SLC16A1: variants seen among roughly 807,000 people sequenced by gnomAD.
SLC16A1 encodes the protein solute carrier family 16 member 1.
Under a neutral mutation model 32.2 loss-of-function variants are expected in SLC16A1, and 11 were observed. That is an observed-to-expected ratio of 0.34 (90% CI 0.21 to 0.56). The LOEUF (loss-of-function observed/expected upper bound fraction) is 0.56. SLC16A1 is among the 20% of genes least tolerant of loss of function. SLC16A1 has a pLI of 0.87. For synonymous variants in SLC16A1, 231 were observed against 226.8 expected, an observed-to-expected ratio of 1.02 and a Z score of -0.17; for missense variants, 435 against 615.0, an observed-to-expected ratio of 0.71 and a Z score of 3.10.
At chr1:112,925,617 GA>G (rs1251808201) in intron 2 of SLC16A1, among the ~76,000 whole-genome samples, 1 of 151,822 alleles carries the variant, frequency 6.6e-6, no homozygotes, top group Non-Finnish European at 1.5e-5. Flanking sequence ...GGACTCAAGT[GA>G]TCCACCTACC....
chr1:112,953,153 C>CTTTTTTT (rs55766100), intron 1 of SLC16A1, among the ~76,000 whole-genome samples: 3 of 130,194 alleles, frequency 2.3e-5, no homozygotes, highest in Non-Finnish European at 4.8e-5. Flanking sequence ...ACTGAAAATC[C>CTTTTTTT]TTTTTTTTTT....
chr1:112,953,732 G>GA (rs1557858691), intron 1 of SLC16A1, among the ~76,000 whole-genome samples: 1 of 152,056 alleles, frequency 6.6e-6, no homozygotes, highest in African/African-American at 2.4e-5. Context: ...TTCATGTCTG[G>GA]AATGTTCTTT....
chr1:112,926,730 C>T (rs984601823), intron 2 of SLC16A1, among the ~76,000 whole-genome samples: 23 of 151,700 alleles, frequency 1.5e-4, no homozygotes, highest in South Asian at 2.1e-4. Flanking sequence ...AAAAATTAGC[C>T]GAGTGTGGTG....
Position 112,913,954 on chromosome 1 carries a change from T to C in SLC16A1, c.1440A>G (p.Ala480=). Residue 480 remains alanine, a synonymous_variant, in exon 5 of 5, where the codon GCA becomes GCG. Transcript: ENST00000369626. Reference sequence around the variant, plus strand: ...TGTCTTTCTGGTCCGGAGATTCTGCTGCTTTGGTAACTTCATTTGGCTTCC... The same window carrying C: ...TGTCTTTCTGGTCCGGAGATTCTGCCGCTTTGGTAACTTCATTTGGCTTCC... ...VAGKPNEVTK[A]AESPDQKDTD... The C allele has an allele frequency of 6.2e-7, 1 of 1,614,206 alleles. No individual in the cohort carries two copies. Among genetic ancestry groups the C allele is most frequent in the Non-Finnish European group, 8.5e-7 (1 of 1,180,030 alleles).
At chr1:112,921,140 CAAAA>C (rs11352959) in intron 3 of SLC16A1, among the ~76,000 whole-genome samples, 4 of 88,500 alleles carry the variant, frequency 4.5e-5, no homozygotes, top group African/African-American at 3.8e-5. Flanking sequence ...GACTCCGTCT[CAAAA>C]AAAAAAAAAA....
At chr1:112,946,341 G>A (rs1000276960) in intron 1 of SLC16A1, among the ~76,000 whole-genome samples, 1 of 152,006 alleles carries the variant, frequency 6.6e-6, no homozygotes, top group Non-Finnish European at 1.5e-5. Flanking sequence ...GGAGGCCAAG[G>A]CAGGCGGATC....
intron 1 of SLC16A1, among the ~76,000 whole-genome samples, chr1:112,934,152 A>T (rs1649224589): frequency 6.6e-6 from 1 of 152,264 alleles, no homozygotes; most frequent in South Asian, 2.1e-4. Context: ...ATTCTAGCAC[A>T]GGTCAAGCAT....
At position 112,929,210 on chromosome 1, in the gene SLC16A1, A is replaced by G. The variant is rs779952019; in HGVS notation, c.99T>C (p.Ser33=). 8 of 1,614,016 alleles carry G rather than the reference A, an allele frequency of 5.0e-6. No homozygotes were observed. The highest frequency in any genetic ancestry group is 8.5e-7 in the Non-Finnish European group (1 of 1,180,038). Residue 33 remains serine (S), a synonymous_variant, in exon 2 of 5, where the codon TCT becomes TCC. Coordinates refer to ENST00000369626, the MANE Select transcript of SLC16A1 (RefSeq NM_003051.4). ...VIGAFISIGF[S]YAFPKSITVF... is the part of the protein sequence containing the mutation. ...CAGTAATTGATTTGGGAAATGCATA[A>G]GAGAAGCCGATGGAAATGAAAGCTC...
At chr1:112,924,304 GGCAATTGGTT>G (rs567233349) in intron 2 of SLC16A1, 384 of 1,406,490 alleles carry the variant, frequency 2.7e-4, no homozygotes, top group Non-Finnish European at 3.7e-4. Context: ...AATCAAGCCT[GGCAATTGGTT>G]GCTCACGAAT....
At position 112,923,542 on chromosome 1, in the gene SLC16A1, C is replaced by T. The variant is rs1181623039; in HGVS notation, c.218-1409G>A. The T allele has an allele frequency of 6.8e-6, 8 of 1,180,144 alleles. No individual in the cohort carries two copies. In the Admixed American group the frequency reaches 8.4e-5, roughly 12 times the overall value. 73.1% of individuals were successfully genotyped at this position (1,180,144 alleles called of 1,614,324 possible). Reference sequence around the variant, plus strand: ...GCCTTCGTGTACAGCGACAGCCAGTCCAAGACCATCCTGGGTGGCCTGAAA... The same window carrying T: ...GCCTTCGTGTACAGCGACAGCCAGTTCAAGACCATCCTGGGTGGCCTGAAA... On this transcript the variant is annotated intron_variant, in intron 2 of 4. Transcript: ENST00000369626.
At chr1:112,928,443 T>C (rs866732578) in intron 2 of SLC16A1, among the ~76,000 whole-genome samples, 12 of 152,350 alleles carry the variant, frequency 7.9e-5, no homozygotes, top group African/African-American at 2.9e-4. Flanking sequence ...AAGTTATTTA[T>C]AGTTGAAACC....
intron 4 of SLC16A1, among the ~76,000 whole-genome samples, chr1:112,916,771 G>A (rs185411747): frequency 3.6e-4 from 55 of 151,374 alleles, no homozygotes; most frequent in African/African-American, 1.3e-3. Context: ...CTCTATTAAA[G>A]ATATAAAAAT....
chr1:112,914,175 T>C lies in SLC16A1; in HGVS notation c.1229-10A>G. 1.2e-6 allele frequency: 2 copies of C among 1,614,134 alleles called. No individual in the cohort carries two copies. The highest frequency in any genetic ancestry group is 1.7e-6 in the Non-Finnish European group (2 of 1,179,984). On this transcript the variant is annotated splice_polypyrimidine_tract_variant and intron_variant, in intron 4 of 4. Transcript: ENST00000369626. Reference sequence around the variant, plus strand: ...ATGTCATTGAGCCGACCTAAATATGTAAAACAACACAAACAGTTGTTTCTA... The same window carrying C: ...ATGTCATTGAGCCGACCTAAATATGCAAAACAACACAAACAGTTGTTTCTA...
chr1:112,920,195 G>A (rs764901145), intron 3 of SLC16A1, among the ~76,000 whole-genome samples: 5 of 152,194 alleles, frequency 3.3e-5, no homozygotes, highest in Non-Finnish European at 7.3e-5. Context: ...AAATGTAGCT[G>A]GGCGTGGTCG....
At chr1:112,944,766 C>A (rs753010714) in intron 1 of SLC16A1, among the ~76,000 whole-genome samples, 3 of 152,112 alleles carry the variant, frequency 2.0e-5, no homozygotes, top group East Asian at 1.9e-4. Flanking sequence ...AGTCTTGGCT[C>A]ACTGCAACCC....
intron 1 of SLC16A1, among the ~76,000 whole-genome samples, chr1:112,953,606 A>C (rs1294060993): frequency 6.6e-6 from 1 of 152,004 alleles, no homozygotes; most frequent in Non-Finnish European, 1.5e-5. Context: ...ATTTTCTCAT[A>C]CTGTCTATCT....
At chr1:112,939,703 C>G (rs1649438686) in intron 1 of SLC16A1, among the ~76,000 whole-genome samples, 1 of 152,058 alleles carries the variant, frequency 6.6e-6, no homozygotes, top group African/African-American at 2.4e-5. Context: ...AGGGGTTTCA[C>G]CATGTTGGCC....
At chr1:112,950,661 TG>T (rs1483601321) in intron 1 of SLC16A1, among the ~76,000 whole-genome samples, 1 of 152,216 alleles carries the variant, frequency 6.6e-6, no homozygotes, top group East Asian at 1.9e-4. Flanking sequence ...GTGTGGTGGA[TG>T]TGAACCCTTC....
chr1:112,937,689 A>G (rs1163002374), intron 1 of SLC16A1, among the ~76,000 whole-genome samples: 1 of 152,232 alleles, frequency 6.6e-6, no homozygotes, highest in Non-Finnish European at 1.5e-5. Flanking sequence ...AGCAGAGCAC[A>G]TGCATTCTTT....
Sources: allele counts gnomAD v4.1 joint callset (sites outside exome capture counted in the v4.1 genomes callset), GRCh38; gene constraint gnomAD v4.1.1; transcripts MANE v1.5; gene names NCBI Gene and HGNC (gene_info 2026-07-23, HGNC 2026-07-21).